The following TRANK1 variants were observed in gnomAD, a reference collection of about 807,000 sequenced individuals.
TRANK1 encodes the protein TPR and ankyrin repeat-containing protein 1.
In TRANK1, 198 loss-of-function variants were observed where a neutral mutation model predicts 266.0. The ratio of observed to expected loss-of-function variants is 0.74; its 90% CI spans 0.66 to 0.84. TRANK1 has a LOEUF of 0.84. Among genes scored for constraint, TRANK1 ranks in the 40% least tolerant of loss-of-function variants. The probability of loss-of-function intolerance (pLI) is 0.00; values close to 1 mark genes in which losing one functional copy is unlikely to be tolerated. For missense variants in TRANK1, 3,326 were observed against 3,634.6 expected, an observed-to-expected ratio of 0.92 and a Z score of 2.18; for synonymous variants, 1,396 against 1,384.1, an observed-to-expected ratio of 1.01 and a Z score of -0.19.
rs1575275014 is a variant in TRANK1 at position 36,892,883 on chromosome 3, A to G, written c.636+18T>C. 2.0e-6 allele frequency: 2 copies of G among 1,017,920 alleles called. No homozygotes were observed. The highest frequency in any genetic ancestry group is 1.9e-5 in the South Asian group (1 of 52,244). 63.1% of individuals were successfully genotyped at this position (1,017,920 alleles called of 1,614,324 possible). A position where few individuals can be genotyped will look rare whatever the true frequency, so the allele number is the denominator to read the frequency against. On this transcript the variant is annotated intron_variant, in intron 6 of 23. Transcript: ENST00000645898. ...TATATATATATATAGATATATATAG[A>G]TATATATATCACCTTACCTCAAAGA...
rs556623378 is a variant in TRANK1, at chr3:36,903,856, A to G, written c.156-581T>C. 1.1e-3 allele frequency among the ~76,000 whole-genome samples: 160 copies of G among 152,358 alleles called. 1 individual carries two copies. The highest frequency in any genetic ancestry group is 3.4e-3 in the Middle Eastern group (1 of 294). On this transcript the variant is annotated intron_variant, in intron 2 of 23. Transcript: ENST00000645898. ...CAAGTTAATGCTGAAACCAGGCCAG[A>G]AGAAAAAGGAAAATTCAAAGCAAAC...
At chr3:36,847,486 A>T in intron 15 of TRANK1, 140 bp from the exon 16 acceptor site, 2 of 844,334 alleles carry the variant, frequency 2.4e-6, no homozygotes. Flanking sequence ...CCATCCTGTG[A>T]TCTTAGAATG....
At chr3:36,924,884 A>C (rs1233835815) in intron 1 of TRANK1, among the ~76,000 whole-genome samples, 1 of 152,206 alleles carries the variant, frequency 6.6e-6, no homozygotes, top group African/African-American at 2.4e-5. Flanking sequence ...CCCAAACCCC[A>C]GTGGCCTTAA....
At chr3:36,945,694 G>A (rs929072140), upstream of TRANK1, among the ~76,000 whole-genome samples, 10 of 152,296 alleles carry the variant, frequency 6.6e-5, no homozygotes, top group Admixed American at 3.3e-4. Context: ...AGCGGTTCTC[G>A]GCCTAGGGAG....
At chr3:36,903,110 C>T (rs1260576741) in intron 3 of TRANK1, 39 bp downstream of exon 3, 1 of 1,526,714 alleles carries the variant, frequency 6.6e-7, no homozygotes, top group African/African-American at 1.4e-5. Context: ...CCAATACTCT[C>T]AAGTCATCTC....
At chr3:36,870,415 A>C (rs1035713023) in intron 9 of TRANK1, among the ~76,000 whole-genome samples, 1 of 132,142 alleles carries the variant, frequency 7.6e-6, no homozygotes, top group African/African-American at 3.2e-5. Context: ...TTCAAAAAAA[A>C]AAAAAAGAGA....
intron 9 of TRANK1, among the ~76,000 whole-genome samples, chr3:36,870,883 G>A (rs1314297713): frequency 1.0e-4 from 15 of 147,918 alleles, no homozygotes; most frequent in African/African-American, 3.3e-4. Context: ...GAAGAGAAGC[G>A]AGAGCAAGAA....
At chr3:36,854,132 G>T (rs1398293409) in intron 13 of TRANK1, among the ~76,000 whole-genome samples, 1 of 152,130 alleles carries the variant, frequency 6.6e-6, no homozygotes, top group Non-Finnish European at 1.5e-5. Context: ...AGCCTGAGGT[G>T]GGTGGATCAC....
At chr3:36,881,694 C>T (rs1439285401) in intron 8 of TRANK1, among the ~76,000 whole-genome samples, 15 of 152,106 alleles carry the variant, frequency 9.9e-5, no homozygotes. Flanking sequence ...CACCACTGTC[C>T]AATTCCAGAA....
intron 9 of TRANK1, among the ~76,000 whole-genome samples, chr3:36,872,325 T>C (rs2125571696): frequency 6.6e-6 from 1 of 152,216 alleles, no homozygotes. Context: ...CACTTGAACC[T>C]GGGAGATGGG....
At chr3:36,847,065 T>C in intron 16 of TRANK1, 135 bp downstream of exon 16, 1 of 1,124,604 alleles carries the variant, frequency 8.9e-7, no homozygotes, top group Non-Finnish European at 1.2e-6. Context: ...TGCCCCTTCC[T>C]TTCTTATCCT....
chr3:36,913,252 T>G (rs2080077847), intron 1 of TRANK1, among the ~76,000 whole-genome samples: 1 of 152,082 alleles, frequency 6.6e-6, no homozygotes, highest in Non-Finnish European at 1.5e-5. Context: ...GGTTTCCCCA[T>G]GTTGGCCAGA....
At chr3:36,937,532 A>T (rs946523674) in intron 1 of TRANK1, among the ~76,000 whole-genome samples, 1 of 152,228 alleles carries the variant, frequency 6.6e-6, no homozygotes, top group Non-Finnish European at 1.5e-5. Flanking sequence ...AGGACAGAAG[A>T]GGTGTACAAA....
At chr3:36,907,589 G>A (rs989477085) in intron 2 of TRANK1, among the ~76,000 whole-genome samples, 6 of 147,998 alleles carry the variant, frequency 4.1e-5, no homozygotes, top group Admixed American at 2.8e-4. Flanking sequence ...CTCACCCTCC[G>A]GAGTAGCTGG....
rs1297074709 is a variant in TRANK1 at position 36,838,644 on chromosome 3, G to A, written c.5353C>T (p.Leu1785=). 1.9e-6 allele frequency: 3 copies of A among 1,613,804 alleles called. No individual in the cohort carries two copies. The highest frequency in any genetic ancestry group is 2.2e-5 in the South Asian group (2 of 91,064). Residue 1785 remains leucine, a synonymous_variant, in exon 19 of 24, where the codon CTG becomes TTG. Transcript: ENST00000645898. ...EKLALAHDTA[L]SMKSKKVSPK... is the part of the protein sequence containing the mutation. Reference sequence around the variant, plus strand: ...CTGACTTTCTTGGATTTCATGCTCAGGGCAGTGTCATGGGCCAGGGCCAAC... The same window carrying A: ...CTGACTTTCTTGGATTTCATGCTCAAGGCAGTGTCATGGGCCAGGGCCAAC...
At position 36,833,549 on chromosome 3, in the gene TRANK1, T is replaced by A. The variant is rs1033772524; in HGVS notation, c.6034A>T (p.Ile2012Phe). Residue 2012 changes from isoleucine to phenylalanine, a missense_variant, in exon 22 of 24, where the codon ATT (isoleucine) becomes TTT (phenylalanine). Transcript: ENST00000645898. ...CAGATATCAAGTGCTTCTCTCAGAA[T>A]GTCCTTGGTGTGTTCTATGTCGGAA... The part of the protein sequence containing the change: ...RDSDIEHTKD[I>F]LREALDICYQ... 1.9e-6 allele frequency: 3 copies of A among 1,613,962 alleles called. No homozygotes were observed. In the South Asian group the frequency reaches 3.3e-5, roughly 18 times the overall value.
chr3:36,864,616 A>G (rs2079188323), intron 9 of TRANK1, 136 bp from the exon 10 acceptor site: 16 of 772,416 alleles, frequency 2.1e-5, no homozygotes, highest in Non-Finnish European at 2.7e-5. Context: ...CTCATCAAGA[A>G]GTGGAGCCTC....
rs371345090 is a variant in TRANK1 at position 36,856,974 on chromosome 3, C to T, written c.2748G>A (p.Glu916=). The change falls in exon 13 of 24, where the codon GAG becomes GAA. Residue 916 remains glutamate (E), a synonymous_variant. Transcript: ENST00000645898. ...TGTTCTGCTCCGTGGCAATGATCTT[C>T]TCAGGGTTCTCACTGCATCGAGGGG... ...DFSPRCSENP[E]KIIATEQNTC... is the part of the protein sequence containing the mutation. The T allele has an allele frequency of 6.2e-6, 10 of 1,613,812 alleles. No individual in the cohort carries two copies. In the African/African-American group the frequency reaches 1.1e-4, roughly 17 times the overall value.
Position 36,857,895 on chromosome 3 carries a change from C to T in TRANK1, c.1827G>A (p.Lys609=), listed in dbSNP as rs761888581. ...FQKGMLKRVK[K]LLDLLVKFDI... ...CAAACTTCACCAGCAGGTCTAACAGCTTCTTCACGCGCTTTAGCATGCCCT... is the reference window on the plus strand; with the variant it reads ...CAAACTTCACCAGCAGGTCTAACAGTTTCTTCACGCGCTTTAGCATGCCCT... Residue 609 remains lysine, a synonymous_variant, in exon 13 of 24, where the codon AAG becomes AAA. Transcript: ENST00000645898. The surrounding 1 kb of genome is among the most constrained non-coding windows in gnomAD (Gnocchi z 4.3). The T allele has an allele frequency of 6.2e-7, 1 of 1,611,278 alleles. No homozygotes were observed. The highest frequency in any genetic ancestry group is 1.3e-5 in the African/African-American group (1 of 74,942).
Sources: gnomAD v4.1 joint callset for allele counts (sites outside exome capture counted in the v4.1 genomes callset) on GRCh38, gnomAD v4.1.1 for gene constraint, Gnocchi (gnomAD v3.1) non-coding constraint, MANE v1.5 for transcripts, NCBI Gene and HGNC (gene_info 2026-07-23, HGNC 2026-07-21) for gene names.